The following PCMT1 variants were observed in gnomAD, a reference collection of about 807,000 sequenced individuals.
PCMT1 encodes the protein protein-L-isoaspartate(D-aspartate) O-methyltransferase.
PCMT1 carries 9 observed loss-of-function variants against 29.2 expected under a neutral mutation model. That is an observed-to-expected ratio of 0.31 (90% CI 0.19 to 0.54). The LOEUF (loss-of-function observed/expected upper bound fraction) is 0.54, where lower values mean the gene tolerates loss of function less well. PCMT1 is among the 20% of genes least tolerant of loss of function. PCMT1 has a pLI of 0.95. For synonymous variants in PCMT1, 98 were observed against 97.5 expected, an observed-to-expected ratio of 1.00 and a Z score of -0.03; for missense variants, 184 against 282.2, an observed-to-expected ratio of 0.65 and a Z score of 2.49.
At chr6:149,761,020 T>C (rs1202982238) in intron 1 of PCMT1, among the ~76,000 whole-genome samples, 1 of 128,202 alleles carries the variant, frequency 7.8e-6, no homozygotes, top group African/African-American at 3.2e-5. Context: ...AGGATGCAGG[T>C]AAAAAAGTGT....
chr6:149,793,697 C>A, intron 5 of PCMT1, 28 bp downstream of exon 5: 3 of 1,517,276 alleles, frequency 2.0e-6, no homozygotes, highest in Non-Finnish European at 2.6e-6. Context: ...TTAAAAATTT[C>A]TTCAGAGGAT....
chr6:149,809,762 TA>T (rs1391296522), intron 7 of PCMT1, among the ~76,000 whole-genome samples: 5 of 152,146 alleles, frequency 3.3e-5, no homozygotes, highest in Non-Finnish European at 7.3e-5. Flanking sequence ...CATCAATTAT[TA>T]TCATTTTTCT....
Position 149,803,070 on chromosome 6 carries a change from A to C in PCMT1, c.*37+654A>C, listed in dbSNP as rs61631591. Among the ~76,000 whole-genome samples, 74 of 107,672 alleles carry C rather than the reference A, an allele frequency of 6.9e-4. 2 individuals carry two copies. The highest frequency in any genetic ancestry group is 1.5e-3 in the African/African-American group (38 of 24,944). The allele number at this position is 107,672 out of a possible 152,430, so 70.6% of individuals were successfully genotyped here. ...TCTGTCTCAAAAAAAAAAAAAAAAA[A>C]AAAAAAAAAAAACAAGGGGCCATCA... On this transcript the variant is annotated intron_variant, in intron 7 of 7. Coordinates refer to ENST00000464889, the MANE Select transcript of PCMT1 (RefSeq NM_001360452.2).
chr6:149,789,885 G>A, intron 3 of PCMT1, 69 bp from the exon 4 acceptor site: 1 of 1,020,558 alleles, frequency 9.8e-7, no homozygotes, highest in Non-Finnish European at 1.4e-6. Flanking sequence ...GTAGAAAGTT[G>A]GCAACTTTAT....
rs61038108 is a variant in PCMT1, at chr6:149,756,512, C to CTTTTTT, written c.55+6583_55+6588dup. Among the ~76,000 whole-genome samples the CTTTTTT allele has an allele frequency of 1.1e-3, 80 of 74,704 alleles. 4 individuals are homozygous for CTTTTTT. Among genetic ancestry groups the CTTTTTT allele is most frequent in the Non-Finnish European group, 1.4e-3 (54 of 38,056 alleles). The allele number at this position is 74,704 out of a possible 152,430, so 49.0% of individuals were successfully genotyped here. On this transcript the variant is annotated intron_variant, in intron 1 of 7. Transcript: ENST00000464889. ...TACAGATGCACACCACCATGACTGG[C>CTTTTTT]TTTTTTTTTTTTTTTTTTTTTTTTT...
At position 149,781,824 on chromosome 6, in the gene PCMT1, GCAAT is replaced by G. The variant is rs1310753929; in HGVS notation, c.193-8127_193-8124del. 5.9e-5 allele frequency among the ~76,000 whole-genome samples: 9 copies of G among 152,238 alleles called. No individual in the cohort carries two copies. In the East Asian group the frequency reaches 1.7e-3, roughly 29 times the overall value. ...GTGTTAAGTACATTTACATTGTTAT[GCAAT>G]CAGTCTTCAGAACACTTTTCATCTT... On this transcript the variant is annotated intron_variant, in intron 3 of 7. Coordinates refer to ENST00000464889, the MANE Select transcript of PCMT1 (RefSeq NM_001360452.2).
intron 1 of PCMT1, among the ~76,000 whole-genome samples, chr6:149,758,699 A>G (rs10872648): frequency 0.31 from 47,176 of 151,986 alleles, 8,229 homozygotes; most frequent in East Asian, 0.49. Context: ...GAGAAATAAC[A>G]TCTAAATACT....
At chr6:149,751,199 C>T (rs1364032922) in intron 1 of PCMT1, among the ~76,000 whole-genome samples, 1 of 152,158 alleles carries the variant, frequency 6.6e-6, no homozygotes, top group African/African-American at 2.4e-5. Context: ...TGCCTGTAAT[C>T]CCAGCTACTT....
chr6:149,752,309 T>C lies in PCMT1; in HGVS notation c.55+2353T>C, dbSNP rs1786355495. 2.0e-5 allele frequency among the ~76,000 whole-genome samples: 3 copies of C among 152,064 alleles called. No individual in the cohort carries two copies. In the South Asian group the frequency reaches 6.2e-4, roughly 32 times the overall value. ...GCCTCCTGGGTTCAAGCGATTCTTC[T>C]GCCTCAGCCTCCCGAGTAGCTGGGA... On this transcript the variant is annotated intron_variant, in intron 1 of 7. Transcript: ENST00000464889.
At chr6:149,758,590 A>T (rs995023942) in intron 1 of PCMT1, among the ~76,000 whole-genome samples, 5 of 152,112 alleles carry the variant, frequency 3.3e-5, no homozygotes, top group Admixed American at 2.6e-4. Flanking sequence ...AGCCAGCTAC[A>T]GAAGTTTAAC....
At chr6:149,769,560 C>T (rs1278932417) in intron 1 of PCMT1, among the ~76,000 whole-genome samples, 8 of 151,480 alleles carry the variant, frequency 5.3e-5, no homozygotes, top group African/African-American at 9.7e-5. Context: ...GTAATTTGCC[C>T]GCCTGGGCCT....
chr6:149,808,052 A>G (rs1776061246), intron 7 of PCMT1, among the ~76,000 whole-genome samples: 1 of 152,216 alleles, frequency 6.6e-6, no homozygotes, highest in Non-Finnish European at 1.5e-5. Flanking sequence ...TGGAAGATCC[A>G]TGAAATTATT....
intron 7 of PCMT1, among the ~76,000 whole-genome samples, chr6:149,808,274 C>G (rs1435947493): frequency 6.6e-6 from 1 of 151,784 alleles, no homozygotes; most frequent in Non-Finnish European, 1.5e-5. Flanking sequence ...TTTTAAAGAG[C>G]CTTTCTAAAA....
chr6:149,795,490 C>A (rs3805752), intron 5 of PCMT1: 2 of 397,594 alleles, frequency 5.0e-6, no homozygotes, highest in South Asian at 2.4e-5. Flanking sequence ...TTGTTGTAGA[C>A]CCATCCGTTT....
At chr6:149,750,061 G>A in intron 1 of PCMT1, 105 bp downstream of exon 1, 1 of 1,427,028 alleles carries the variant, frequency 7.0e-7, no homozygotes, top group Non-Finnish European at 9.3e-7. Context: ...CGCGCCTGTT[G>A]GAGGGCTTCG....
At chr6:149,806,694 A>AT (rs1290328161) in intron 7 of PCMT1, among the ~76,000 whole-genome samples, 2 of 151,876 alleles carry the variant, frequency 1.3e-5, no homozygotes, top group African/African-American at 4.8e-5. Context: ...GGCTCAAGCG[A>AT]TCCCCCCTGC....
rs1248595239 is a variant in PCMT1 at position 149,762,746 on chromosome 6, T to C, written c.56-8416T>C. On this transcript the variant is annotated intron_variant, in intron 1 of 7. Coordinates refer to ENST00000464889, the MANE Select transcript of PCMT1 (RefSeq NM_001360452.2). The stretch of plus-strand genomic sequence containing the variant: ...TATATATATCTATGATATATATATA[T>C]CTATGATATATATACCTATGATATA... Among the ~76,000 whole-genome samples the C allele has an allele frequency of 6.7e-4, 32 of 47,602 alleles. 10 individuals carry two copies. Among genetic ancestry groups the C allele is most frequent in the African/African-American group, 4.3e-3 (20 of 4,656 alleles). 31.2% of individuals were successfully genotyped at this position (47,602 alleles called of 152,430 possible).
intron 1 of PCMT1, chr6:149,750,177 G>C (rs1011337323): frequency 1.7e-5 from 11 of 646,624 alleles, no homozygotes; most frequent in Non-Finnish European, 2.8e-5. Flanking sequence ...GAAAGAGCCA[G>C]GGGCCGCTGC....
intron 3 of PCMT1, among the ~76,000 whole-genome samples, chr6:149,786,389 G>T: frequency 7.6e-6 from 1 of 131,376 alleles, no homozygotes; most frequent in African/African-American, 3.0e-5. Context: ...CTCCCTCCCG[G>T]ACGGGGTGGC....
Sources: allele counts gnomAD v4.1 joint callset (sites outside exome capture counted in the v4.1 genomes callset), GRCh38; gene constraint gnomAD v4.1.1; transcripts MANE v1.5; gene names NCBI Gene and HGNC (gene_info 2026-07-23, HGNC 2026-07-21).